Variants in TTC13 observed in about 807,000 individuals in gnomAD.
The protein encoded by TTC13 is tetratricopeptide repeat protein 13.
Under a neutral mutation model 120.0 loss-of-function variants are expected in TTC13, and 62 were observed. The observed-to-expected ratio is 0.52, with a 90% CI of 0.42 to 0.64. The LOEUF (loss-of-function observed/expected upper bound fraction) is 0.64. TTC13 is among the 30% of genes least tolerant of loss of function. The pLI, the probability that TTC13 is intolerant of heterozygous loss-of-function variation, is 0.00. For missense variants in TTC13, 824 were observed against 1,050.2 expected, an observed-to-expected ratio of 0.78 and a Z score of 2.98; for synonymous variants, 384 against 393.5, an observed-to-expected ratio of 0.98 and a Z score of 0.28.
At chr1:230,947,186 T>C (rs1675079795) in intron 4 of TTC13, among the ~76,000 whole-genome samples, 1 of 152,038 alleles carries the variant, frequency 6.6e-6, no homozygotes, top group African/African-American at 2.4e-5. Flanking sequence ...AGGAGCCCTA[T>C]AAGCCTGCCC....
rs568368965 is a variant in TTC13, at chr1:230,916,736, T to C, written c.1984-434A>G. 2.8e-4 allele frequency among the ~76,000 whole-genome samples: 42 copies of C among 152,236 alleles called. 1 individual carries two copies. Among genetic ancestry groups the C allele is most frequent in the African/African-American group, 1.0e-3 (42 of 41,530 alleles). ...AGCAGAGACTGATTTTTCTGAAGAG[T>C]ACCCAGGATTATATCCACTAACTGG... On this transcript the variant is annotated intron_variant, in intron 17 of 22. Transcript: ENST00000366661.
At chr1:230,939,785 T>C (rs1368175194) in intron 7 of TTC13, among the ~76,000 whole-genome samples, 2 of 152,234 alleles carry the variant, frequency 1.3e-5, no homozygotes, top group Non-Finnish European at 2.9e-5. Context: ...TAATAATCTG[T>C]TAGAGAAATT....
chr1:230,929,266 G>A (rs1047835175), intron 11 of TTC13, among the ~76,000 whole-genome samples, 173 bp from the exon 12 acceptor site: 2 of 151,884 alleles, frequency 1.3e-5, no homozygotes, highest in Non-Finnish European at 2.9e-5. Context: ...ACCTGCCACT[G>A]ACTTGAGATA....
chr1:230,964,074 G>C (rs1313204302), intron 1 of TTC13, among the ~76,000 whole-genome samples: 1 of 152,160 alleles, frequency 6.6e-6, no homozygotes, highest in Non-Finnish European at 1.5e-5. Flanking sequence ...TAAGCAATGT[G>C]TATACCTGGC....
chr1:230,933,769 T>G lies in TTC13; in HGVS notation c.983+10A>C. On this transcript the variant is annotated intron_variant, in intron 9 of 22. Transcript: ENST00000366661. ...CTCCCTCCTACCCCAACTGTTATTA[T>G]TTTACTCACCTATATGCCTGCCCTA... The G allele has an allele frequency of 6.5e-7, 1 of 1,547,852 alleles. No individual in the cohort carries two copies. Among genetic ancestry groups the G allele is most frequent in the Non-Finnish European group, 8.8e-7 (1 of 1,133,316 alleles).
In TTC13 at chr1:230,940,698, A is replaced by C; in HGVS notation, c.673-142T>G. The C allele has an allele frequency of 6.8e-6, 4 of 586,510 alleles. No individual in the cohort carries two copies. The highest frequency in any genetic ancestry group is 3.0e-5 in the East Asian group (1 of 32,946). 36.3% of individuals were successfully genotyped at this position (586,510 alleles called of 1,614,324 possible). On this transcript the variant is annotated intron_variant, in intron 6 of 22. Coordinates refer to ENST00000366661, the MANE Select transcript of TTC13 (RefSeq NM_024525.5). The surrounding 1 kb of genome is among the most constrained non-coding windows in gnomAD (Gnocchi z 4.1). ...GCTGCAATCCTTGACCCCCTATATT[A>C]TGCGGTGGGGTTCAAAGTCAACCAG...
At chr1:230,968,412 G>A (rs1381589238) in intron 1 of TTC13, among the ~76,000 whole-genome samples, 6 of 151,940 alleles carry the variant, frequency 3.9e-5, no homozygotes, top group Non-Finnish European at 1.5e-5. Flanking sequence ...GCTGTATTAG[G>A]CCTTCTAATT....
chr1:230,933,542 T>C (rs1673760851), intron 9 of TTC13, among the ~76,000 whole-genome samples: 1 of 152,208 alleles, frequency 6.6e-6, no homozygotes, highest in Non-Finnish European at 1.5e-5. Context: ...GAACGTTTTC[T>C]AGACCAATAC....
At position 230,911,479 on chromosome 1, in the gene TTC13, C is replaced by G. The variant is rs752321035; in HGVS notation, c.2300G>C (p.Arg767Pro). The G allele has an allele frequency of 6.3e-7, 1 of 1,595,368 alleles. No homozygotes were observed. The highest frequency in any genetic ancestry group is 8.5e-7 in the Non-Finnish European group (1 of 1,170,792). Residue 767 changes from arginine (R) to proline (P), a missense_variant, in exon 20 of 23, where the codon CGA (arginine) becomes CCA (proline). By Grantham distance (103) the Arg-to-Pro change is moderately radical. Coordinates refer to ENST00000366661, the MANE Select transcript of TTC13 (RefSeq NM_024525.5). ...YYFYNLMPLS[R>P]GSSVIAYSVI... The stretch of plus-strand genomic sequence containing the variant: ...ACAGGATATTACTTACCTGGATCCT[C>G]GAGAGAGTGGCATTAAATTATAAAA...
rs1674601187 is a variant in TTC13 at position 230,942,332 on chromosome 1, T to C, written c.672+1474A>G. On this transcript the variant is annotated intron_variant, in intron 6 of 22. Coordinates refer to ENST00000366661, the MANE Select transcript of TTC13 (RefSeq NM_024525.5). This position sits in a 1 kb window ranked among gnomAD's most constrained non-coding sequence, Gnocchi z 4.0. ...ACCAACTAAATACCAGCAAGTCTCA[T>C]GCAGTGATAAACTATAGTCACTTAA... Among the ~76,000 whole-genome samples the C allele has an allele frequency of 6.6e-6, 1 of 152,148 alleles. No homozygotes were observed. The highest frequency in any genetic ancestry group is 2.1e-4 in the South Asian group (1 of 4,828).
At chr1:230,963,675 A>AAATAAATAAATAAAT (rs1277313545) in intron 1 of TTC13, among the ~76,000 whole-genome samples, 2 of 134,332 alleles carry the variant, frequency 1.5e-5, no homozygotes, top group African/African-American at 6.8e-5. Flanking sequence ...AATAAATAAA[A>AAATAAATAAATAAAT]GAAAAAAGAA....
chr1:230,949,245 T>C (rs1350487268), intron 4 of TTC13, among the ~76,000 whole-genome samples: 1 of 82,360 alleles, frequency 1.2e-5, no homozygotes, highest in African/African-American at 5.0e-5. Context: ...CAGGACAACA[T>C]GGCTAATAAT....
intron 2 of TTC13, among the ~76,000 whole-genome samples, chr1:230,958,627 A>G (rs1256366097): frequency 6.6e-6 from 1 of 152,236 alleles, no homozygotes; most frequent in African/African-American, 2.4e-5. Context: ...TGACCAGAAC[A>G]TGAGCCCTTC....
At chr1:230,970,186 G>A (rs1677583431) in intron 1 of TTC13, among the ~76,000 whole-genome samples, 1 of 152,214 alleles carries the variant, frequency 6.6e-6, no homozygotes, top group Non-Finnish European at 1.5e-5. Context: ...TTTAGGTATA[G>A]CAGTGTCTTG....
intron 9 of TTC13, 142 bp downstream of exon 9, chr1:230,933,637 C>T (rs113958156): frequency 3.7e-4 from 162 of 434,136 alleles, no homozygotes; most frequent in African/African-American, 3.0e-3. Context: ...AAAATATCAA[C>T]AAGTCTATAC....
chr1:230,911,401 CA>C, intron 20 of TTC13, 68 bp downstream of exon 20: 1 of 1,200,836 alleles, frequency 8.3e-7, no homozygotes, highest in South Asian at 1.5e-5. Context: ...ATATCCATAA[CA>C]GGAAGGATAA....
chr1:230,937,807 T>C (rs906029740), intron 8 of TTC13, among the ~76,000 whole-genome samples: 3 of 152,252 alleles, frequency 2.0e-5, no homozygotes, highest in Non-Finnish European at 2.9e-5. Flanking sequence ...GAGTATTTTA[T>C]TGAATCCTCA....
intron 9 of TTC13, among the ~76,000 whole-genome samples, chr1:230,933,518 A>C (rs1255966320): frequency 6.6e-6 from 1 of 152,184 alleles, no homozygotes; most frequent in Non-Finnish European, 1.5e-5. Flanking sequence ...TATTCAAAAC[A>C]ACCCTTGAAG....
intron 1 of TTC13, among the ~76,000 whole-genome samples, chr1:230,962,893 T>C (rs1284149032): frequency 2.6e-5 from 4 of 152,132 alleles, no homozygotes; most frequent in Non-Finnish European, 4.4e-5. Flanking sequence ...GGTGAATCCA[T>C]AGAGACAAAA....
Sources: gnomAD v4.1 joint callset for allele counts (sites outside exome capture counted in the v4.1 genomes callset) on GRCh38, gnomAD v4.1.1 for gene constraint, Gnocchi (gnomAD v3.1) non-coding constraint, MANE v1.5 for transcripts, NCBI Gene and HGNC (gene_info 2026-07-23, HGNC 2026-07-21) for gene names.